The following NALF1 variants were observed in gnomAD, a reference collection of about 807,000 sequenced individuals.
The protein encoded by NALF1 is family with sequence similarity 155 member A.
NALF1 carries 3 observed loss-of-function variants against 48.4 expected under a neutral mutation model. The observed-to-expected ratio is 0.06, with a 90% CI of 0.03 to 0.16. The LOEUF (loss-of-function observed/expected upper bound fraction) is 0.16. Ranked by LOEUF, NALF1 falls within the 10% of genes least tolerant of loss-of-function variation. The probability of loss-of-function intolerance (pLI) is 1.00; values close to 1 mark genes in which losing one functional copy is unlikely to be tolerated. For synonymous variants in NALF1, 262 were observed against 245.7 expected (o/e 1.07, Z -0.62); for missense variants, 526 against 571.5 (o/e 0.92, Z 0.81).
At chr13:107,624,455 A>G (rs1879611327) in intron 1 of NALF1, among the ~76,000 whole-genome samples, 1 of 152,168 alleles carries the variant, frequency 6.6e-6, no homozygotes, top group East Asian at 1.9e-4. Flanking sequence ...TAGTTCTGGA[A>G]AAAACCACAG....
intron 1 of NALF1, among the ~76,000 whole-genome samples, chr13:107,756,484 C>T (rs1261993111): frequency 6.8e-6 from 1 of 146,040 alleles, no homozygotes; most frequent in East Asian, 2.1e-4. Flanking sequence ...GCATGTAAAA[C>T]ATAAATACAT....
In NALF1 at chr13:107,175,287, T is replaced by C. The variant is rs190192888; in HGVS notation, c.1088-4501A>G. Among the ~76,000 whole-genome samples, 15 of 152,246 alleles carry C rather than the reference T, an allele frequency of 9.9e-5. No individual in the cohort carries two copies. The East Asian group carries it at 2.9e-3, about 29-fold the overall frequency. On this transcript the variant is annotated intron_variant, in intron 2 of 2. Coordinates refer to ENST00000375915, the MANE Select transcript of NALF1 (RefSeq NM_001080396.3). Reference sequence around the variant, plus strand: ...GAGTAGGGAATGGGATTTGGGGACCTGACTGCCTCTTAAAACTGACTTCCA... The same window carrying C: ...GAGTAGGGAATGGGATTTGGGGACCCGACTGCCTCTTAAAACTGACTTCCA...
At chr13:107,822,503 G>A (rs1373537902) in intron 1 of NALF1, among the ~76,000 whole-genome samples, 1 of 151,970 alleles carries the variant, frequency 6.6e-6, no homozygotes, top group Non-Finnish European at 1.5e-5. Flanking sequence ...GGAATCTATG[G>A]CCTAATGAGC....
intron 1 of NALF1, among the ~76,000 whole-genome samples, chr13:107,491,070 T>C (rs1442191179): frequency 6.6e-6 from 1 of 152,190 alleles, no homozygotes; most frequent in Non-Finnish European, 1.5e-5. Context: ...GGATTACAGC[T>C]GGAGGTGTTT....
At chr13:107,666,338 C>T (rs1163216258) in intron 1 of NALF1, among the ~76,000 whole-genome samples, 1 of 152,074 alleles carries the variant, frequency 6.6e-6, no homozygotes, top group African/African-American at 2.4e-5. Context: ...TGCCACCTCT[C>T]GGTAGCCATT....
intron 1 of NALF1, among the ~76,000 whole-genome samples, chr13:107,830,469 A>T (rs974852012): frequency 1.3e-5 from 2 of 152,214 alleles, no homozygotes. Context: ...ATTCTGGGAC[A>T]GCGAACCTAA....
In NALF1 at chr13:107,616,825, C is replaced by T. The variant is rs371107851; in HGVS notation, c.915+248857G>A. On this transcript the variant is annotated intron_variant, in intron 1 of 2. Transcript: ENST00000375915. ...TGGCCAGCAACAACCAACTCCAAAACGCCTTGCTGCATCCACCTGCTCCTG... is the reference window on the plus strand; with the variant it reads ...TGGCCAGCAACAACCAACTCCAAAATGCCTTGCTGCATCCACCTGCTCCTG... Among the ~76,000 whole-genome samples the T allele has an allele frequency of 2.6e-4, 39 of 152,288 alleles. No homozygotes were observed. The South Asian group carries it at 7.1e-3, about 28-fold the overall frequency.
chr13:107,557,357 C>T (rs1877510458), intron 1 of NALF1, among the ~76,000 whole-genome samples: 2 of 152,100 alleles, frequency 1.3e-5, no homozygotes, highest in African/African-American at 4.8e-5. Flanking sequence ...TTTCACATAG[C>T]CCCTATCACA....
chr13:107,257,585 G>A (rs1880845491), intron 1 of NALF1, among the ~76,000 whole-genome samples: 1 of 151,952 alleles, frequency 6.6e-6, no homozygotes, highest in Non-Finnish European at 1.5e-5. Context: ...ATTGAAATGG[G>A]TATCTCTCCT....
At chr13:107,485,532 A>G (rs531315959) in intron 1 of NALF1, among the ~76,000 whole-genome samples, 1 of 152,216 alleles carries the variant, frequency 6.6e-6, no homozygotes, top group African/African-American at 2.4e-5. Context: ...CATCTCATTT[A>G]CCATCAGATA....
chr13:107,676,900 C>T (rs1011715858), intron 1 of NALF1, among the ~76,000 whole-genome samples: 2 of 152,050 alleles, frequency 1.3e-5, no homozygotes, highest in African/African-American at 4.8e-5. Context: ...TAATAAAATA[C>T]CAAAAGAATT....
chr13:107,173,741 G>A (rs1254185701), intron 2 of NALF1, among the ~76,000 whole-genome samples: 1 of 152,164 alleles, frequency 6.6e-6, no homozygotes, highest in African/African-American at 2.4e-5. Flanking sequence ...GATGCCATAT[G>A]CCTTAAAGTG....
At chr13:107,810,138 G>C (rs1259557614) in intron 1 of NALF1, among the ~76,000 whole-genome samples, 2 of 151,850 alleles carry the variant, frequency 1.3e-5, no homozygotes, top group African/African-American at 4.8e-5. Context: ...TGATCAAATT[G>C]GTTTCTTTTT....
At chr13:107,530,583 T>G (rs944729971) in intron 1 of NALF1, among the ~76,000 whole-genome samples, 1 of 152,134 alleles carries the variant, frequency 6.6e-6, no homozygotes, top group African/African-American at 2.4e-5. Context: ...TGTGGATGTA[T>G]GCAGAAGATG....
At chr13:107,325,609 G>A (rs552137326) in intron 1 of NALF1, among the ~76,000 whole-genome samples, 12 of 151,906 alleles carry the variant, frequency 7.9e-5, no homozygotes, top group Admixed American at 2.6e-4. Flanking sequence ...AGGCTGAGGC[G>A]GGTAGATCAC....
At chr13:107,835,968 G>T (rs920815508) in intron 1 of NALF1, among the ~76,000 whole-genome samples, 1 of 152,044 alleles carries the variant, frequency 6.6e-6, no homozygotes, top group Non-Finnish European at 1.5e-5. Context: ...GCACAGAGCC[G>T]GTCTGCTTTT....
intron 1 of NALF1, among the ~76,000 whole-genome samples, chr13:107,731,729 G>T (rs1283950525): frequency 6.6e-6 from 1 of 152,118 alleles, no homozygotes; most frequent in Non-Finnish European, 1.5e-5. Flanking sequence ...CAAAGGACAT[G>T]ATCTCATTCC....
At chr13:107,841,995 T>A (rs1271258285) in intron 1 of NALF1, among the ~76,000 whole-genome samples, 1 of 152,088 alleles carries the variant, frequency 6.6e-6, no homozygotes, top group Non-Finnish European at 1.5e-5. Flanking sequence ...TATCTGCTTA[T>A]ATTTAAGAAC....
intron 1 of NALF1, among the ~76,000 whole-genome samples, chr13:107,714,247 T>A (rs187609663): frequency 6.6e-6 from 1 of 152,348 alleles, no homozygotes; most frequent in African/African-American, 2.4e-5. Flanking sequence ...TGCATTTGTA[T>A]AATGCTTAGA....
Sources: gnomAD v4.1 joint callset for allele counts (sites outside exome capture counted in the v4.1 genomes callset) on GRCh38, gnomAD v4.1.1 for gene constraint, MANE v1.5 for transcripts, NCBI Gene and HGNC (gene_info 2026-07-23, HGNC 2026-07-21) for gene names.